Variants in SMS observed in about 807,000 individuals in gnomAD.
The protein encoded by SMS is spermine synthase, also known as spermidine aminopropyltransferase.
SMS carries 3 observed loss-of-function variants against 33.0 expected under a neutral mutation model. The observed-to-expected ratio is 0.09, with a 90% confidence interval of 0.04 to 0.23. The LOEUF (loss-of-function observed/expected upper bound fraction) is 0.23. SMS is among the 10% of genes least tolerant of loss of function. The pLI is 1.00. For missense variants in SMS, 117 were observed against 288.6 expected, an observed-to-expected ratio of 0.41 and a Z score of 4.31; for synonymous variants, 103 against 112.2, an observed-to-expected ratio of 0.92 and a Z score of 0.52.
Position 21,992,663 on chromosome X carries a change from C to T in SMS, c.1012C>T (p.Pro338Ser), listed in dbSNP as rs780136285. 1 of 1,203,854 alleles carries T rather than the reference C, an allele frequency of 8.3e-7. No individual in the cohort carries two copies. The highest frequency in any genetic ancestry group is 2.2e-5 in the Admixed American group (1 of 46,025). ...YEEQLGRLYCPVEFSKEIVCV... is the reference protein window; with the variant it reads ...YEEQLGRLYCSVEFSKEIVCV... Reference sequence around the variant, plus strand: ...AGAACAGCTGGGGCGCCTGTATTGTCCTGTGGAATTTTCAAAGGAGATCGT... The same window carrying T: ...AGAACAGCTGGGGCGCCTGTATTGTTCTGTGGAATTTTCAAAGGAGATCGT... The change falls in exon 10 of 11, where the codon CCT becomes TCT. Residue 338 changes from proline (P) to serine (S), a missense_variant. Physicochemically the swap from Pro to Ser is moderately conservative, Grantham distance 74. Coordinates refer to ENST00000404933, the MANE Select transcript of SMS (RefSeq NM_004595.5).
chrX:21,992,824 A>G, intron 10 of SMS, 112 bp downstream of exon 10: 1 of 437,556 alleles, frequency 2.3e-6, no homozygotes, highest in Admixed American at 3.9e-5. Flanking sequence ...CATAGAGTAT[A>G]TAAAGCCCTG....
In SMS at chrX:21,994,608, A is replaced by G. The variant is rs1383378077; in HGVS notation, c.*257A>G. 1.1e-6 allele frequency: 1 copy of G among 910,430 alleles called. No homozygotes were observed. Among genetic ancestry groups the G allele is most frequent in the African/African-American group, 2.1e-5 (1 of 47,992 alleles). 75.0% of individuals were successfully genotyped at this position (910,430 alleles called of 1,213,427 possible). A position where few individuals can be genotyped will look rare whatever the true frequency, so the allele number is the denominator to read the frequency against. The stretch of plus-strand genomic sequence containing the variant: ...GCTAAATGCACTGACCCCCCCCATT[A>G]GAATGTGATTTTTGTTCCTTTTTAT... On this transcript the variant is annotated 3_prime_UTR_variant, in exon 11 of 11. Transcript: ENST00000404933.
chrX:21,955,170 T>A (rs1922892650), intron 1 of SMS, among the ~76,000 whole-genome samples: 1 of 112,254 alleles, frequency 8.9e-6, no homozygotes, highest in Admixed American at 9.4e-5. Context: ...TGGTATGACC[T>A]GTAAGGGATT....
intron 2 of SMS, among the ~76,000 whole-genome samples, 160 bp downstream of exon 2, chrX:21,967,476 G>C (rs1480257436): frequency 9.0e-6 from 1 of 111,090 alleles, no homozygotes; most frequent in Non-Finnish European, 1.9e-5. Context: ...CTGCACATCA[G>C]AATCTCCTGG....
intron 9 of SMS, among the ~76,000 whole-genome samples, chrX:21,989,227 G>A (rs888576921): frequency 4.5e-5 from 5 of 110,802 alleles, no homozygotes; most frequent in African/African-American, 1.6e-4. Flanking sequence ...CTTGAGCCCA[G>A]GAGTTCGAGG....
At chrX:21,943,892 A>G (rs1922001836) in intron 1 of SMS, among the ~76,000 whole-genome samples, 3 of 111,700 alleles carry the variant, frequency 2.7e-5, no homozygotes, top group Non-Finnish European at 5.6e-5. Context: ...TTAATTGATA[A>G]TGAGTCAAAA....
chrX:21,942,829 CTTTTTTTTTTTT>C (rs772851812), intron 1 of SMS, among the ~76,000 whole-genome samples: 1 of 81,890 alleles, frequency 1.2e-5, no homozygotes, highest in Non-Finnish European at 2.3e-5. Flanking sequence ...ATTTTCTTAA[CTTTTTTTTTTTT>C]TTTTTTTTTT....
chrX:21,985,379 CTGTT>C (rs1027497818), intron 9 of SMS, among the ~76,000 whole-genome samples, 156 bp downstream of exon 9: 3 of 112,125 alleles, frequency 2.7e-5, no homozygotes, highest in African/African-American at 9.7e-5. Flanking sequence ...GACCTGTTGT[CTGTT>C]GGGAATTAAT....
chrX:21,943,374 C>A (rs1921959583), intron 1 of SMS, among the ~76,000 whole-genome samples: 1 of 111,701 alleles, frequency 9.0e-6, no homozygotes, highest in Non-Finnish European at 1.9e-5. Flanking sequence ...CCAGGAGAAC[C>A]ATGGATGTAT....
At chrX:21,959,536 T>C (rs1923194449) in intron 1 of SMS, among the ~76,000 whole-genome samples, 1 of 112,010 alleles carries the variant, frequency 8.9e-6, no homozygotes, top group Non-Finnish European at 1.9e-5. Context: ...CTTCTTTAAC[T>C]TGGTATAATT....
chrX:21,966,670 C>G (rs979761600), intron 1 of SMS, among the ~76,000 whole-genome samples: 9 of 111,401 alleles, frequency 8.1e-5, no homozygotes, highest in African/African-American at 2.9e-4. Flanking sequence ...TATTTTTTTC[C>G]AGTTATAAAA....
intron 9 of SMS, among the ~76,000 whole-genome samples, chrX:21,987,021 G>A (rs1465975316): frequency 1.0e-5 from 1 of 99,578 alleles, no homozygotes; most frequent in Non-Finnish European, 2.0e-5. Context: ...TTGAGATGGA[G>A]TTGCGCTCTT....
chrX:21,963,623 G>A (rs147879312), intron 1 of SMS, among the ~76,000 whole-genome samples: 1,666 of 111,706 alleles, frequency 0.015, 16 homozygotes, highest in Middle Eastern at 0.032. Context: ...ACTGGGCTTG[G>A]CCAGCAGTCA....
At chrX:21,943,081 A>G (rs1262249528) in intron 1 of SMS, among the ~76,000 whole-genome samples, 1 of 111,066 alleles carries the variant, frequency 9.0e-6, no homozygotes, top group Non-Finnish European at 1.9e-5. Flanking sequence ...TCCTGGCCTC[A>G]AGCGATCCGC....
Position 21,951,895 on chromosome X carries a change from C to T in SMS, c.49+11022C>T. Among the ~76,000 whole-genome samples, 2 of 111,743 alleles carry T rather than the reference C, an allele frequency of 1.8e-5. 1 individual carries two copies. Among genetic ancestry groups the T allele is most frequent in the Middle Eastern group, 8.3e-3 (2 of 240 alleles). ...CTTTTTACTACATCTGCTCATTTTA[C>T]ACTATGGGGTTAGGGAAATGTAAAG... On this transcript the variant is annotated intron_variant, in intron 1 of 10. Coordinates refer to ENST00000404933, the MANE Select transcript of SMS (RefSeq NM_004595.5).
chrX:21,956,635 A>G (rs1425825106), intron 1 of SMS, among the ~76,000 whole-genome samples: 1 of 109,764 alleles, frequency 9.1e-6, no homozygotes, highest in Non-Finnish European at 1.9e-5. Flanking sequence ...ACGCCCGGCT[A>G]ATTTTTGTGT....
chrX:21,978,847 T>C (rs748226045), intron 6 of SMS, 30 bp from the exon 7 acceptor site: 22 of 1,030,294 alleles, frequency 2.1e-5, no homozygotes, highest in Non-Finnish European at 3.0e-5. Flanking sequence ...TTCTTTGATA[T>C]ACCCAAATTC....
chrX:21,946,300 A>G lies in SMS; in HGVS notation c.49+5427A>G, dbSNP rs149556963. Among the ~76,000 whole-genome samples, 257 of 111,571 alleles carry G rather than the reference A, an allele frequency of 2.3e-3. 1 individual carries two copies. The highest frequency in any genetic ancestry group is 4.6e-3 in the Middle Eastern group (1 of 218). ...GGGTGTAGGTTTCCACCCAAGGCCA[A>G]TGCTGGAGGCACATGTCCCTAGTTA... On this transcript the variant is annotated intron_variant, in intron 1 of 10. Transcript: ENST00000404933.
intron 7 of SMS, among the ~76,000 whole-genome samples, chrX:21,979,920 C>T (rs1451346697): frequency 8.6e-5 from 8 of 93,034 alleles, no homozygotes; most frequent in Non-Finnish European, 1.5e-4. Flanking sequence ...GGCTGCAGAG[C>T]GAGAATGTCT....
Sources: gnomAD v4.1 joint callset for allele counts (sites outside exome capture counted in the v4.1 genomes callset) on GRCh38, gnomAD v4.1.1 for gene constraint, MANE v1.5 for transcripts, NCBI Gene and HGNC (gene_info 2026-07-23, HGNC 2026-07-21) for gene names.